Variants in DSTYK observed in about 807,000 individuals in gnomAD.
DSTYK encodes RIP-homologous kinase.
A neutral mutation model predicts 98.7 loss-of-function variants in DSTYK; 34 were observed. The ratio of observed to expected loss-of-function variants is 0.34; its 90% CI spans 0.26 to 0.46. DSTYK has a LOEUF of 0.46. Among genes scored for constraint, DSTYK ranks in the 20% least tolerant of loss-of-function variants. The pLI is 1.00. For synonymous variants in DSTYK, 462 were observed against 457.3 expected (o/e 1.01, Z -0.13); for missense variants, 962 against 1,181.7 (o/e 0.81, Z 2.73).
intron 10 of DSTYK, among the ~76,000 whole-genome samples, chr1:205,152,209 C>T (rs1242481466): frequency 6.6e-6 from 1 of 152,154 alleles, no homozygotes; most frequent in Non-Finnish European, 1.5e-5. Context: ...AGGAGTTTCG[C>T]TCTTGTTGCC....
intron 1 of DSTYK, among the ~76,000 whole-genome samples, chr1:205,188,687 T>C (rs992819968): frequency 6.6e-6 from 1 of 152,262 alleles, no homozygotes; most frequent in Non-Finnish European, 1.5e-5. Flanking sequence ...GTATGAGCTA[T>C]AAATGTATAA....
intron 1 of DSTYK, among the ~76,000 whole-genome samples, chr1:205,209,368 A>G (rs1475335522): frequency 2.0e-5 from 3 of 152,224 alleles, no homozygotes; most frequent in African/African-American, 7.2e-5. Context: ...GGATCGTCTC[A>G]GAAAACATTA....
Position 205,163,878 on chromosome 1 carries a change from T to TGA in DSTYK, c.1400_1401dup (p.Ile468SerfsTer14). The TGA allele has an allele frequency of 6.2e-7, 1 of 1,614,152 alleles. No homozygotes were observed. The highest frequency in any genetic ancestry group is 1.1e-5 in the South Asian group (1 of 91,082). ...ACTGCCTGATTAAGTCGGGAGATGA[T>TGA]GAGTTCCTGGATCTGTCGGATGCAG... On this transcript the variant is annotated frameshift_variant, in exon 4 of 13. Transcript: ENST00000367162. LOFTEE classifies it high-confidence loss of function.
intron 11 of DSTYK, among the ~76,000 whole-genome samples, chr1:205,149,578 T>A (rs1184696325): frequency 1.3e-5 from 2 of 152,196 alleles, no homozygotes; most frequent in Non-Finnish European, 2.9e-5. Context: ...TTTCTCACGT[T>A]TGTTTGTTTT....
chr1:205,162,554 T>C (rs1657759508), intron 5 of DSTYK, among the ~76,000 whole-genome samples: 1 of 152,194 alleles, frequency 6.6e-6, no homozygotes, highest in African/African-American at 2.4e-5. Context: ...TCACAGCCTC[T>C]GGCAACAACA....
intron 1 of DSTYK, among the ~76,000 whole-genome samples, chr1:205,206,296 T>C (rs1476149492): frequency 6.6e-6 from 1 of 151,862 alleles, no homozygotes; most frequent in African/African-American, 2.4e-5. Context: ...TTTTTTGTTT[T>C]TGAGACAGAG....
At chr1:205,181,887 T>C (rs559801936) in intron 2 of DSTYK, among the ~76,000 whole-genome samples, 1 of 152,210 alleles carries the variant, frequency 6.6e-6, no homozygotes, top group South Asian at 2.1e-4. Flanking sequence ...TTGCCCAGTC[T>C]GGTCTTGAAA....
rs1657979824 is a variant in DSTYK, at chr1:205,169,261, G to A, written c.1226C>T (p.Ala409Val). The A allele has an allele frequency of 6.2e-7, 1 of 1,613,832 alleles. No individual in the cohort carries two copies. The highest frequency in any genetic ancestry group is 8.5e-7 in the Non-Finnish European group (1 of 1,179,976). The change falls in exon 3 of 13, where the codon GCC becomes GTC. Residue 409 changes from alanine to valine, a missense_variant. Transcript: ENST00000367162. The surrounding 1 kb of genome is among the most constrained non-coding windows in gnomAD (Gnocchi z 4.0). ...NELYESLMNIANRKQEEMKDM... is the reference protein window; with the variant it reads ...NELYESLMNIVNRKQEEMKDM... ...CTTCATTTCCTCCTGCTTTCGGTTG[G>A]CAATATTCATCAATGATTCATACAA...
rs755878017 is a variant in DSTYK, at chr1:205,162,950, T to C, written c.1614A>G (p.Thr538=). The change falls in exon 5 of 13, where the codon ACA becomes ACG. Residue 538 remains threonine (T), a synonymous_variant. Transcript: ENST00000367162. The part of the protein sequence containing the change: ...EVTFHSGSSV[T]RMLWEQIKQI... ...GTTTGATTTGCTCCCATAGCATCCT[T>C]GTAACTGACGACCCTGAGTGAAACG... is the stretch of plus-strand genomic sequence containing the variant. 26 of 1,613,980 alleles carry C rather than the reference T, an allele frequency of 1.6e-5. No homozygotes were observed. The East Asian group carries it at 5.6e-4, about 35-fold the overall frequency.
intron 7 of DSTYK, among the ~76,000 whole-genome samples, 157 bp from the exon 8 acceptor site, chr1:205,160,427 CT>C (rs199518784): frequency 0.011 from 1,699 of 152,098 alleles, 26 homozygotes; most frequent in African/African-American, 0.038. Flanking sequence ...CCTCTGCCTC[CT>C]GGGTTCAAGC....
intron 10 of DSTYK, among the ~76,000 whole-genome samples, chr1:205,151,067 G>A (rs1230723443): frequency 6.6e-6 from 1 of 152,192 alleles, no homozygotes; most frequent in African/African-American, 2.4e-5. Context: ...ATAGGCAACT[G>A]TAACACAATG....
At position 205,181,789 on chromosome 1, in the gene DSTYK, C is replaced by T. The variant is rs574631772; in HGVS notation, c.654+5629G>A. ...CTCGACCTCCTGGGCTCAAGTGATC[C>T]TCCTGCCTCTGCCTCCTATGTAGCT... On this transcript the variant is annotated intron_variant, in intron 2 of 12. Transcript: ENST00000367162. Among the ~76,000 whole-genome samples the T allele has an allele frequency of 4.0e-5, 6 of 151,730 alleles. No individual in the cohort carries two copies. The South Asian group carries it at 1.2e-3, about 32-fold the overall frequency.
At chr1:205,174,179 G>A (rs1658156029) in intron 2 of DSTYK, among the ~76,000 whole-genome samples, 1 of 151,850 alleles carries the variant, frequency 6.6e-6, no homozygotes, top group Admixed American at 6.6e-5. Flanking sequence ...AGGAGTTCGG[G>A]ACCAGCCTGG....
chr1:205,169,652 A>G lies in DSTYK; in HGVS notation c.835T>C (p.Phe279Leu). 1 of 1,614,216 alleles carries G rather than the reference A, an allele frequency of 6.2e-7. No individual in the cohort carries two copies. Among genetic ancestry groups the G allele is most frequent in the East Asian group, 2.2e-5 (1 of 44,880 alleles). ...RKYFSFPVFF[F>L]KVPKLGSEII... The stretch of plus-strand genomic sequence containing the variant: ...TCCGAGCCCAGTTTCGGCACTTTGA[A>G]AAAGAATACAGGAAAGGAGAAATAC... The change falls in exon 3 of 13, where the codon TTC becomes CTC. Residue 279 changes from phenylalanine (F) to leucine (L), a missense_variant. Around this residue, in one of 4 missense-constraint regions of DSTYK, gnomAD observed 660 missense variants for 855.0 expected, o/e 0.77. Coordinates refer to ENST00000367162, the MANE Select transcript of DSTYK (RefSeq NM_015375.3). The surrounding 1 kb of genome is among the most constrained non-coding windows in gnomAD (Gnocchi z 4.0).
At chr1:205,170,475 T>C (rs1466237693) in intron 2 of DSTYK, among the ~76,000 whole-genome samples, 2 of 152,202 alleles carry the variant, frequency 1.3e-5, no homozygotes, top group Admixed American at 6.5e-5. Flanking sequence ...ACTGGGTCTA[T>C]TTTGCTTACT....
In DSTYK at chr1:205,178,173, TAGA is replaced by T. The variant is rs566264138; in HGVS notation, c.655-8344_655-8342del. ...AAGCATGAGACAATCATGCTAAAAG[TAGA>T]AGAATATTTATAATCCCAAACACCC... On this transcript the variant is annotated intron_variant, in intron 2 of 12. Transcript: ENST00000367162. Among the ~76,000 whole-genome samples the T allele has an allele frequency of 2.4e-4, 36 of 152,138 alleles. No homozygotes were observed. The East Asian group carries it at 6.4e-3, about 27-fold the overall frequency.
intron 8 of DSTYK, 112 bp downstream of exon 8, chr1:205,160,002 A>T: frequency 2.3e-6 from 3 of 1,313,348 alleles, no homozygotes; most frequent in Non-Finnish European, 2.2e-6. Flanking sequence ...TGTTAGACAC[A>T]GAAAACTAAA....
chr1:205,211,418 G>C lies in DSTYK; in HGVS notation c.118C>G (p.Arg40Gly), dbSNP rs1268641294. Residue 40 changes from arginine (R) to glycine (G), a missense_variant, in exon 1 of 13, where the codon CGG (arginine) becomes GGG (glycine). Around this residue, in one of 4 missense-constraint regions of DSTYK, gnomAD observed 168 missense variants for 120.0 expected, o/e 1.40. Coordinates refer to ENST00000367162, the MANE Select transcript of DSTYK (RefSeq NM_015375.3). ...GTCTCGCGCAGGTTCTGTCGCAGCCGTCCCAGGTAGCGGCGGTAGCGGCCG... is the reference window on the plus strand; with the variant it reads ...GTCTCGCGCAGGTTCTGTCGCAGCCCTCCCAGGTAGCGGCGGTAGCGGCCG... ...GFGRYRRYLG[R>G]LRQNLRETQK... The C allele has an allele frequency of 6.2e-7, 1 of 1,609,508 alleles. No homozygotes were observed. The highest frequency in any genetic ancestry group is 1.7e-5 in the Admixed American group (1 of 59,822).
intron 2 of DSTYK, among the ~76,000 whole-genome samples, chr1:205,185,227 T>A (rs982064705): frequency 4.6e-5 from 7 of 152,094 alleles, no homozygotes; most frequent in Non-Finnish European, 7.4e-5. Context: ...AATAGTAATT[T>A]AAAAAAATAA....
Sources: gnomAD v4.1 joint callset for allele counts (sites outside exome capture counted in the v4.1 genomes callset) on GRCh38, gnomAD v4.1.1 for gene constraint, gnomAD v4.1.1 regional missense constraint, Gnocchi (gnomAD v3.1) non-coding constraint, MANE v1.5 for transcripts, NCBI Gene and HGNC (gene_info 2026-07-23, HGNC 2026-07-21) for gene names.